The following PAX2 variants were observed in gnomAD, a reference collection of about 807,000 sequenced individuals.
The protein encoded by PAX2 is paired box protein Pax-2.
Under a neutral mutation model 41.7 loss-of-function variants are expected in PAX2, and 9 were observed. That is an observed-to-expected ratio of 0.22 (90% CI 0.13 to 0.38). The LOEUF (loss-of-function observed/expected upper bound fraction) is 0.38, where lower values mean the gene tolerates loss of function less well. Among genes scored for constraint, PAX2 ranks in the 10% least tolerant of loss-of-function variants. PAX2 has a pLI of 1.00. For missense variants in PAX2, 418 were observed against 531.6 expected, an observed-to-expected ratio of 0.79 and a Z score of 2.10; for synonymous variants, 221 against 212.7, an observed-to-expected ratio of 1.04 and a Z score of -0.34.
At chr10:100,814,649 T>A (rs559505043) in intron 7 of PAX2, among the ~76,000 whole-genome samples, 20 of 152,184 alleles carry the variant, frequency 1.3e-4, no homozygotes, top group Admixed American at 2.6e-4. Flanking sequence ...GTCTGAACAT[T>A]AGAGAGCTAG....
chr10:100,748,855 C>G lies in PAX2; in HGVS notation c.44-891C>G, dbSNP rs1312138656. 1.0e-6 allele frequency: 1 copy of G among 985,318 alleles called. No individual in the cohort carries two copies. Among genetic ancestry groups the G allele is most frequent in the Non-Finnish European group, 1.2e-6 (1 of 829,950 alleles). 61.0% of individuals were successfully genotyped at this position (985,318 alleles called of 1,614,324 possible). The stretch of plus-strand genomic sequence containing the variant: ...TTTGGGTCGGCTACACAGGGCGCCC[C>G]GAGAGTTATTAACTCGCCAGCGAGG... On this transcript the variant is annotated intron_variant, in intron 1 of 9. Transcript: ENST00000355243. This position sits in a 1 kb window ranked among gnomAD's most constrained non-coding sequence, Gnocchi z 5.0.
intron 1 of PAX2, among the ~76,000 whole-genome samples, chr10:100,739,014 GAC>G (rs61617727): frequency 0.11 from 15,311 of 138,266 alleles, 936 homozygotes; most frequent in Middle Eastern, 0.16. Context: ...CGCGCACGCG[GAC>G]ACACACACAC....
intron 3 of PAX2, among the ~76,000 whole-genome samples, chr10:100,759,963 C>T (rs952802388): frequency 1.3e-5 from 2 of 152,164 alleles, no homozygotes; most frequent in Admixed American, 6.5e-5. Flanking sequence ...CTGCAGGCAG[C>T]TTCTGGCCTG....
rs556293667 is a variant in PAX2, at chr10:100,809,351, A to G, written c.919+115A>G. On this transcript the variant is annotated intron_variant, in intron 7 of 9. Transcript: ENST00000355243. The stretch of plus-strand genomic sequence containing the variant: ...CCCCCACCGTGATATTTACAGAGAG[A>G]ACGAGGCTTCTAAAACCAGGGTGCT... 3.7e-6 allele frequency: 4 copies of G among 1,089,124 alleles called. No homozygotes were observed. The South Asian group carries it at 3.9e-5, about 11-fold the overall frequency. The allele number at this position is 1,089,124 out of a possible 1,614,324, so 67.5% of individuals were successfully genotyped here.
intron 1 of PAX2, chr10:100,747,609 G>C: frequency 1.0e-6 from 1 of 985,134 alleles, no homozygotes; most frequent in Non-Finnish European, 1.2e-6. Context: ...TAGGACAAGA[G>C]AGCCGAGGAG....
At position 100,748,328 on chromosome 10, in the gene PAX2, A is replaced by G. The variant is rs1845283516; in HGVS notation, c.44-1418A>G. 3.0e-6 allele frequency: 3 copies of G among 983,708 alleles called. No individual in the cohort carries two copies. 60.9% of individuals were successfully genotyped at this position (983,708 alleles called of 1,614,324 possible). ...AGTGGGGCTAGAGATAGGGAGATTA[A>G]CGGGGTGGGCAAGGGGGTAAAAGAA... On this transcript the variant is annotated intron_variant, in intron 1 of 9. Transcript: ENST00000355243. This position sits in a 1 kb window ranked among gnomAD's most constrained non-coding sequence, Gnocchi z 5.0.
Position 100,829,418 on chromosome 10 carries a change from C to A in PAX2, c.*1799C>A, listed in dbSNP as rs1010317702. The A allele has an allele frequency of 2.9e-5, 6 of 205,368 alleles. No homozygotes were observed. Among genetic ancestry groups the A allele is most frequent in the Middle Eastern group, 1.6e-3 (1 of 644 alleles). 12.7% of individuals were successfully genotyped at this position (205,368 alleles called of 1,614,324 possible). ...CCGGGCTCGCCCCCTCGCGGGCGTGCCCCGCGCGCCCCGGGCGGCCGAAGG... is the reference window on the plus strand; with the variant it reads ...CCGGGCTCGCCCCCTCGCGGGCGTGACCCGCGCGCCCCGGGCGGCCGAAGG... On this transcript the variant is annotated 3_prime_UTR_variant, in exon 10 of 10. Coordinates refer to ENST00000355243, the MANE Select transcript of PAX2 (RefSeq NM_000278.5).
intron 3 of PAX2, among the ~76,000 whole-genome samples, chr10:100,769,917 A>G (rs1846156355): frequency 6.6e-6 from 1 of 152,120 alleles, no homozygotes; most frequent in South Asian, 2.1e-4. Context: ...CCCTGAGAGG[A>G]AGAGGGAAAC....
chr10:100,784,198 A>C (rs1484120739), intron 5 of PAX2, among the ~76,000 whole-genome samples: 1 of 152,266 alleles, frequency 6.6e-6, no homozygotes, highest in Non-Finnish European at 1.5e-5. Context: ...AAGATGATGT[A>C]GCCCAACTCT....
intron 5 of PAX2, chr10:100,786,821 C>G (rs934981165): frequency 1.9e-6 from 1 of 536,524 alleles, no homozygotes; most frequent in East Asian, 6.2e-5. Flanking sequence ...AATTGCAGCT[C>G]AGAACCCTTG....
In PAX2 at chr10:100,809,224, C is replaced by G. The variant is rs761764477; in HGVS notation, c.907C>G (p.Pro303Ala). 16 of 1,613,616 alleles carry G rather than the reference C, an allele frequency of 9.9e-6. No homozygotes were observed. Among genetic ancestry groups the G allele is most frequent in the Non-Finnish European group, 1.1e-5 (13 of 1,179,864 alleles). ...GSNVSGTQTY[P>A]VVTGRDMAST... The stretch of plus-strand genomic sequence containing the variant: ...CAACGTGTCAGGCACACAGACATAC[C>G]CAGTTGTGACTGGTAAGGGGGCTTC... The change falls in exon 7 of 10, where the codon CCA becomes GCA. Residue 303 changes from proline (P) to alanine (A), a missense_variant. Pro to Ala is a conservative substitution (Grantham distance 27). Around this residue, in one of 2 missense-constraint regions of PAX2, gnomAD observed 310 missense variants for 325.2 expected, o/e 0.95. Coordinates refer to ENST00000355243, the MANE Select transcript of PAX2 (RefSeq NM_000278.5).
intron 7 of PAX2, among the ~76,000 whole-genome samples, chr10:100,821,421 C>A (rs765444034): frequency 2.0e-5 from 3 of 152,206 alleles, no homozygotes; most frequent in Non-Finnish European, 2.9e-5. Context: ...AGGAAGCTTG[C>A]GTGCTTTTTC....
intron 1 of PAX2, among the ~76,000 whole-genome samples, chr10:100,738,079 T>TCA (rs1474832329): frequency 3.9e-4 from 59 of 152,348 alleles, no homozygotes; most frequent in African/African-American, 1.3e-3. Flanking sequence ...CCCAGCTGGC[T>TCA]CTCTGGCTCC....
At chr10:100,749,559 CA>C in intron 1 of PAX2, 186 bp from the exon 2 acceptor site, 1 of 1,398,966 alleles carries the variant, frequency 7.1e-7, no homozygotes, top group Non-Finnish European at 9.3e-7. Flanking sequence ...GTCTTCAGCC[CA>C]GCGTCTGTGC....
At position 100,781,743 on chromosome 10, in the gene PAX2, T is replaced by C. The variant is rs114987118; in HGVS notation, c.616+378T>C. Among the ~76,000 whole-genome samples, 727 of 152,350 alleles carry C rather than the reference T, an allele frequency of 4.8e-3. 6 individuals carry two copies. Among genetic ancestry groups the C allele is most frequent in the African/African-American group, 0.017 (687 of 41,584 alleles). ...TGTCCTTACCTGATCCCAATCTGTC[T>C]GGAGGTGAGGTAGTGATGTCATGTG... On this transcript the variant is annotated intron_variant, in intron 5 of 9. Coordinates refer to ENST00000355243, the MANE Select transcript of PAX2 (RefSeq NM_000278.5).
chr10:100,799,720 T>C lies in PAX2; in HGVS notation c.617-6710T>C, dbSNP rs557018007. Reference sequence around the variant, plus strand: ...TGATGAGTGTAGGTGAAAGCCCTAATATCATTACTTTCTCCATAGACAGAT... The same window carrying C: ...TGATGAGTGTAGGTGAAAGCCCTAACATCATTACTTTCTCCATAGACAGAT... On this transcript the variant is annotated intron_variant, in intron 5 of 9. Coordinates refer to ENST00000355243, the MANE Select transcript of PAX2 (RefSeq NM_000278.5). 7.9e-5 allele frequency among the ~76,000 whole-genome samples: 12 copies of C among 152,078 alleles called. No homozygotes were observed. In the East Asian group the frequency reaches 1.4e-3, roughly 17 times the overall value.
chr10:100,748,986 G>T lies in PAX2; in HGVS notation c.44-760G>T, dbSNP rs1845324867. 9 of 985,458 alleles carry T rather than the reference G, an allele frequency of 9.1e-6. No homozygotes were observed. Among genetic ancestry groups the T allele is most frequent in the Non-Finnish European group, 1.1e-5 (9 of 829,938 alleles). The allele number at this position is 985,458 out of a possible 1,614,324, so 61.0% of individuals were successfully genotyped here. A position where few individuals can be genotyped will look rare whatever the true frequency, so the allele number is the denominator to read the frequency against. The stretch of plus-strand genomic sequence containing the variant: ...CGGCATTCTCTGCCTGCTGCCTGGA[G>T]CCGCTCTGCCTCCCTGTCTCTGAGC... On this transcript the variant is annotated intron_variant, in intron 1 of 9. Coordinates refer to ENST00000355243, the MANE Select transcript of PAX2 (RefSeq NM_000278.5). This position sits in a 1 kb window ranked among gnomAD's most constrained non-coding sequence, Gnocchi z 5.0.
chr10:100,793,745 T>G (rs1010555827), intron 5 of PAX2, among the ~76,000 whole-genome samples: 4 of 152,114 alleles, frequency 2.6e-5, no homozygotes, highest in African/African-American at 9.7e-5. Flanking sequence ...ACTGCTTTGG[T>G]GTGTAAATCG....
intron 7 of PAX2, among the ~76,000 whole-genome samples, chr10:100,821,555 T>G (rs1848381262): frequency 6.6e-6 from 1 of 152,240 alleles, no homozygotes; most frequent in African/African-American, 2.4e-5. Flanking sequence ...ACTTTCAGCA[T>G]GCAAAAGTTC....
Sources: gnomAD v4.1 joint callset for allele counts (sites outside exome capture counted in the v4.1 genomes callset) on GRCh38, gnomAD v4.1.1 for gene constraint, gnomAD v4.1.1 regional missense constraint, Gnocchi (gnomAD v3.1) non-coding constraint, MANE v1.5 for transcripts, NCBI Gene and HGNC (gene_info 2026-07-23, HGNC 2026-07-21) for gene names.